Variants in LAMC3 observed in about 807,000 individuals in gnomAD.
The protein encoded by LAMC3 is laminin subunit gamma-3.
A neutral mutation model predicts 173.8 loss-of-function variants in LAMC3; 128 were observed. The observed-to-expected ratio is 0.74, with a 90% confidence interval of 0.64 to 0.85. The LOEUF is 0.85. Among genes scored for constraint, LAMC3 ranks in the 40% least tolerant of loss-of-function variants. The pLI, the probability that LAMC3 is intolerant of heterozygous loss-of-function variation, is 0.00. For synonymous variants in LAMC3, 897 were observed against 909.1 expected (o/e 0.99, Z 0.24); for missense variants, 2,022 against 2,156.0 (o/e 0.94, Z 1.23).
intron 25 of LAMC3, among the ~76,000 whole-genome samples, chr9:131,086,667 C>G (rs1830337725): frequency 6.7e-6 from 1 of 148,348 alleles, no homozygotes; most frequent in African/African-American, 2.5e-5. Flanking sequence ...GCAGGCAGAT[C>G]ACTTGAGGTC....
chr9:131,031,680 C>T (rs1044330335), intron 2 of LAMC3, among the ~76,000 whole-genome samples: 6 of 152,304 alleles, frequency 3.9e-5, no homozygotes, highest in East Asian at 3.9e-4. Context: ...GACCCCTGCC[C>T]GCCCAAACCT....
At chr9:131,079,841 G>A (rs7042231) in intron 23 of LAMC3, among the ~76,000 whole-genome samples, 48,779 of 151,826 alleles carry the variant, frequency 0.32, 8,135 homozygotes, top group Non-Finnish European at 0.38. Flanking sequence ...AGCAGCACCC[G>A]GGGCCACACC....
chr9:131,085,730 G>A lies in LAMC3; in HGVS notation c.4230+7G>A. ...GGCCAAGGACAGTGCCAAGGTCAGGGTGGTGGCTGTGACAACAGTGGCCTC... is the reference window on the plus strand; with the variant it reads ...GGCCAAGGACAGTGCCAAGGTCAGGATGGTGGCTGTGACAACAGTGGCCTC... On this transcript the variant is annotated splice_region_variant and intron_variant, in intron 25 of 27. Transcript: ENST00000361069. 1.2e-6 allele frequency: 2 copies of A among 1,614,062 alleles called. No individual in the cohort carries two copies.
intron 25 of LAMC3, chr9:131,085,939 G>A (rs143416582): frequency 4.8e-6 from 3 of 619,766 alleles, no homozygotes; most frequent in East Asian, 5.6e-5. Context: ...AGAATGCTGA[G>A]GTGCAGCCAG....
chr9:131,049,057 T>C lies in LAMC3; in HGVS notation c.1557T>C (p.Ser519=). ...EGWWARSVGG[S]EHPPQWSPNG... ...GGTGGGCCAGAAGTGTGGGGGGCTCTGAGCACCCCCCACAATGGAGCCCAA... is the reference window on the plus strand; with the variant it reads ...GGTGGGCCAGAAGTGTGGGGGGCTCCGAGCACCCCCCACAATGGAGCCCAA... The change falls in exon 9 of 28, where the codon TCT becomes TCC. Residue 519 remains serine, a synonymous_variant. Transcript: ENST00000361069. The C allele has an allele frequency of 6.4e-7, 1 of 1,552,018 alleles. No individual in the cohort carries two copies. Among genetic ancestry groups the C allele is most frequent in the Non-Finnish European group, 8.7e-7 (1 of 1,147,212 alleles).
At chr9:131,069,960 T>G in intron 17 of LAMC3, 110 bp downstream of exon 17, 2 of 1,157,878 alleles carry the variant, frequency 1.7e-6, no homozygotes, top group East Asian at 5.2e-5. Context: ...GCTCAGGCTT[T>G]GCAAGCCCAC....
chr9:131,062,755 G>T (rs1325079441), intron 13 of LAMC3, among the ~76,000 whole-genome samples: 1 of 151,796 alleles, frequency 6.6e-6, no homozygotes, highest in African/African-American at 2.4e-5. Context: ...TGTAATCCCA[G>T]CTACTCGGGA....
chr9:131,077,747 A>G (rs1830160789), intron 22 of LAMC3, among the ~76,000 whole-genome samples: 1 of 148,280 alleles, frequency 6.7e-6, no homozygotes, highest in South Asian at 2.2e-4. Context: ...GGTGGGGCCC[A>G]GGCAGAGGCA....
At chr9:131,087,676 G>C (rs1830356215) in intron 26 of LAMC3, 42 bp from the exon 27 acceptor site, 1 of 1,613,638 alleles carries the variant, frequency 6.2e-7, no homozygotes, top group Admixed American at 1.7e-5. Flanking sequence ...CAGCCCGGGT[G>C]GGGACGCCAT....
intron 21 of LAMC3, among the ~76,000 whole-genome samples, 188 bp downstream of exon 21, chr9:131,076,153 G>A (rs1588166288): frequency 6.6e-6 from 1 of 152,160 alleles, no homozygotes; most frequent in East Asian, 1.9e-4. Flanking sequence ...GTGGTGAGTC[G>A]CAGTAACCCA....
intron 20 of LAMC3, 75 bp downstream of exon 20, chr9:131,073,396 G>GTGCCCACAGT: frequency 9.0e-7 from 1 of 1,112,830 alleles, no homozygotes; most frequent in South Asian, 1.2e-5. Flanking sequence ...AGCCCCACAG[G>GTGCCCACAGT]TGCCCCCACC....
rs2275131 is a variant in LAMC3, at chr9:131,036,319, C to T, written c.963C>T (p.Ala321=). 0.47 allele frequency: 755,030 copies of T among 1,612,512 alleles called. 182,171 individuals are homozygous for T. Among genetic ancestry groups the T allele is most frequent in the East Asian group, 0.62 (27,835 of 44,812 alleles). ...GGGCCCGGGGCACCGCCGAGGCTGC[C>T]CACGAGTGTCTGCGTGAGTGTCTGA... ...RPWARGTAEA[A]HECLPCNCSG... is the part of the protein sequence containing the mutation. The change falls in exon 4 of 28, where the codon GCC becomes GCT. Residue 321 remains alanine (A), a synonymous_variant. Coordinates refer to ENST00000361069, the MANE Select transcript of LAMC3 (RefSeq NM_006059.4).
chr9:131,085,818 G>C, intron 25 of LAMC3, 95 bp downstream of exon 25: 1 of 1,182,222 alleles, frequency 8.5e-7, no homozygotes, highest in Non-Finnish European at 1.2e-6. Flanking sequence ...TGACTACTCC[G>C]CACTCACTCA....
At chr9:131,062,947 T>C (rs1829860011) in intron 13 of LAMC3, among the ~76,000 whole-genome samples, 1 of 152,082 alleles carries the variant, frequency 6.6e-6, no homozygotes, top group South Asian at 2.1e-4. Flanking sequence ...TGTTCTCCTC[T>C]CTGTCTCTAT....
chr9:131,038,460 G>C (rs559111244), intron 4 of LAMC3, among the ~76,000 whole-genome samples: 1 of 152,226 alleles, frequency 6.6e-6, no homozygotes, highest in East Asian at 1.9e-4. Flanking sequence ...CTGTACCCCT[G>C]AGTGACCTCA....
chr9:131,079,363 G>T (rs2133339747), intron 23 of LAMC3, 65 bp downstream of exon 23: 1 of 1,595,174 alleles, frequency 6.3e-7, no homozygotes, highest in Non-Finnish European at 8.6e-7. Flanking sequence ...AGGTGATCCA[G>T]GGTCAGGGTT....
In LAMC3 at chr9:131,041,686, A is replaced by G; in HGVS notation, c.1333A>G (p.Ser445Gly). ...CAGCCTGGACACCTGTGACCCCCGC[A>G]GTGGGCGCTGCCCCTGCAAAGAGAA... ...AGSLDTCDPR[S>G]GRCPCKENVE... The change falls in exon 7 of 28, where the codon AGT becomes GGT. Residue 445 changes from serine (S) to glycine (G), a missense_variant. By Grantham distance (56) the Ser-to-Gly change is moderately conservative (BLOSUM62 0). Transcript: ENST00000361069. The G allele has an allele frequency of 1.2e-6, 2 of 1,614,140 alleles. No homozygotes were observed. Among genetic ancestry groups the G allele is most frequent in the South Asian group, 2.2e-5 (2 of 91,078 alleles).
At chr9:131,031,310 G>C (rs900842259) in intron 2 of LAMC3, among the ~76,000 whole-genome samples, 1 of 152,056 alleles carries the variant, frequency 6.6e-6, no homozygotes, top group South Asian at 2.1e-4. Context: ...GGTTTTCCCC[G>C]ACTTCCCCTC....
intron 1 of LAMC3, among the ~76,000 whole-genome samples, chr9:131,016,952 C>A (rs757453480): frequency 1.3e-5 from 2 of 151,968 alleles, no homozygotes; most frequent in African/African-American, 2.4e-5. Flanking sequence ...TTTTAAAAAG[C>A]ACCCGCCTTG....
Sources: gnomAD v4.1 joint callset for allele counts (sites outside exome capture counted in the v4.1 genomes callset) on GRCh38, gnomAD v4.1.1 for gene constraint, MANE v1.5 for transcripts, NCBI Gene and HGNC (gene_info 2026-07-23, HGNC 2026-07-21) for gene names.